Variants in PARPBP observed in about 807,000 individuals in gnomAD.
PARPBP encodes the protein PCNA-interacting partner.
PARPBP carries 52 observed loss-of-function variants against 50.0 expected under a neutral mutation model. That is an observed-to-expected ratio of 1.04 (90% CI 0.83 to 1.31). PARPBP has a LOEUF of 1.31. Ranked by LOEUF, PARPBP falls within the 50% of genes most tolerant of loss-of-function variation. The pLI is 0.00. For missense variants in PARPBP, 697 were observed against 672.0 expected (o/e 1.04, Z -0.41); for synonymous variants, 244 against 232.1 (o/e 1.05, Z -0.47).
intron 4 of PARPBP, chr12:102,155,184 G>C (rs1565877857): frequency 6.3e-6 from 1 of 159,042 alleles, no homozygotes; most frequent in Non-Finnish European, 1.4e-5. Flanking sequence ...TTGGGAGGCT[G>C]AGGCAGGGGA....
chr12:102,137,936 G>A (rs913147869), intron 2 of PARPBP, among the ~76,000 whole-genome samples: 12 of 152,152 alleles, frequency 7.9e-5, no homozygotes, highest in African/African-American at 2.7e-4. Context: ...CCAAGTCTTT[G>A]CTATTGTGAA....
intron 8 of PARPBP, among the ~76,000 whole-genome samples, chr12:102,181,498 A>G (rs1053981166): frequency 5.3e-5 from 8 of 152,214 alleles, no homozygotes; most frequent in African/African-American, 1.9e-4. Context: ...TAAATAGTAT[A>G]AAGAAATAGT....
At chr12:102,120,384 T>C in intron 1 of PARPBP, 98 bp downstream of exon 1, 1 of 449,912 alleles carries the variant, frequency 2.2e-6, no homozygotes. Context: ...ACCTCGGTCG[T>C]AGCAAAGTGC....
chr12:102,157,681 A>C (rs1184082170), intron 4 of PARPBP, among the ~76,000 whole-genome samples: 1 of 152,174 alleles, frequency 6.6e-6, no homozygotes, highest in African/African-American at 2.4e-5. Flanking sequence ...ACAAAGATGT[A>C]GTTTTTCCTT....
At chr12:102,190,691 G>T (rs1249046618) in intron 9 of PARPBP, among the ~76,000 whole-genome samples, 1 of 152,124 alleles carries the variant, frequency 6.6e-6, no homozygotes, top group Non-Finnish European at 1.5e-5. Context: ...ACCCTGTAAG[G>T]AGGGGATGGC....
chr12:102,152,158 GGATGCAGATGAAAGCTTGTT>G (rs1162137862), intron 3 of PARPBP: 1 of 258,572 alleles, frequency 3.9e-6, no homozygotes, highest in East Asian at 1.0e-4. Context: ...GTCTTCTCAG[GGATGCAGATGAAAGCTTGTT>G]GCTAGAGTGG....
chr12:102,149,379 C>T (rs1594516798), intron 3 of PARPBP, among the ~76,000 whole-genome samples: 1 of 152,198 alleles, frequency 6.6e-6, no homozygotes, highest in East Asian at 1.9e-4. Flanking sequence ...TTATCAGAGA[C>T]CTGGACTTTT....
At position 102,196,695 on chromosome 12, in the gene PARPBP, C is replaced by T; in HGVS notation, c.*404C>T. 6.2e-7 allele frequency: 1 copy of T among 1,607,560 alleles called. No homozygotes were observed. Among genetic ancestry groups the T allele is most frequent in the South Asian group, 1.1e-5 (1 of 90,892 alleles). ...TCGGTAGACTCTTCCCAGCATACAT[C>T]TGAGCACTGAAGGAAGAAGAAAGTT... On this transcript the variant is annotated 3_prime_UTR_variant, in exon 11 of 11. Coordinates refer to ENST00000327680, the MANE Select transcript of PARPBP (RefSeq NM_017915.5).
chr12:102,186,521 G>A (rs1040270540), intron 9 of PARPBP, among the ~76,000 whole-genome samples: 24 of 151,908 alleles, frequency 1.6e-4, no homozygotes, highest in Admixed American at 9.8e-4. Flanking sequence ...GTTGTGTTTC[G>A]ATTTTCATTT....
intron 6 of PARPBP, among the ~76,000 whole-genome samples, chr12:102,172,904 C>G (rs563411355): frequency 1.6e-4 from 25 of 152,184 alleles, no homozygotes; most frequent in Non-Finnish European, 3.2e-4. Flanking sequence ...ACATTTCATC[C>G]AGTTCACAGC....
chr12:102,146,909 A>G (rs1315956863), intron 2 of PARPBP, among the ~76,000 whole-genome samples: 3 of 152,228 alleles, frequency 2.0e-5, no homozygotes, highest in Non-Finnish European at 4.4e-5. Context: ...TGGGCAAAGG[A>G]CATGAACAGA....
chr12:102,178,551 G>C, intron 7 of PARPBP, 41 bp from the exon 8 acceptor site: 1 of 1,366,644 alleles, frequency 7.3e-7, no homozygotes, highest in Non-Finnish European at 1.0e-6. Context: ...CACCCAGCTG[G>C]GGTGATTATT....
Position 102,164,551 on chromosome 12 carries a change from A to G in PARPBP, c.609A>G (p.Arg203=). The part of the protein sequence containing the change: ...ILNIPDRGLG[R]EAFTDLKHAA... ...ATATTCCTGATAGAGGACTAGGAAG[A>G]GAAGCCTTCACTGATTTGAAACATG... Residue 203 remains arginine, a synonymous_variant, in exon 5 of 11, where the codon AGA becomes AGG. Coordinates refer to ENST00000327680, the MANE Select transcript of PARPBP (RefSeq NM_017915.5). 6.2e-7 allele frequency: 1 copy of G among 1,613,448 alleles called. No homozygotes were observed. Among genetic ancestry groups the G allele is most frequent in the Non-Finnish European group, 8.5e-7 (1 of 1,179,474 alleles).
intron 9 of PARPBP, among the ~76,000 whole-genome samples, chr12:102,187,356 T>A (rs1454118809): frequency 6.6e-6 from 1 of 152,178 alleles, no homozygotes; most frequent in Non-Finnish European, 1.5e-5. Context: ...TCCTTTTTTT[T>A]CTTTTTTCTT....
chr12:102,133,538 A>T (rs1883174028), intron 2 of PARPBP, among the ~76,000 whole-genome samples: 1 of 151,888 alleles, frequency 6.6e-6, no homozygotes, highest in African/African-American at 2.4e-5. Flanking sequence ...TTGGTTTCCT[A>T]GTATTTTGTT....
At chr12:102,131,825 G>T (rs987065482) in intron 2 of PARPBP, among the ~76,000 whole-genome samples, 2 of 152,196 alleles carry the variant, frequency 1.3e-5, no homozygotes, top group Admixed American at 1.3e-4. Context: ...CAGGTACTGG[G>T]GCCTACTGAA....
intron 8 of PARPBP, among the ~76,000 whole-genome samples, chr12:102,179,431 A>G (rs1008645188): frequency 3.9e-5 from 6 of 152,256 alleles, no homozygotes; most frequent in Non-Finnish European, 8.8e-5. Flanking sequence ...TGGGTAGCTT[A>G]AACAATAGAA....
chr12:102,142,761 A>G (rs1473172085), intron 2 of PARPBP, among the ~76,000 whole-genome samples: 1 of 152,240 alleles, frequency 6.6e-6, no homozygotes, highest in Non-Finnish European at 1.5e-5. Flanking sequence ...GGTCCACTCC[A>G]GACTCTGTTT....
intron 6 of PARPBP, among the ~76,000 whole-genome samples, chr12:102,173,397 A>C (rs894341752): frequency 6.6e-6 from 1 of 152,216 alleles, no homozygotes; most frequent in East Asian, 1.9e-4. Context: ...TCAGTGTAGT[A>C]AGACAAAAAG....
Sources: gnomAD v4.1 joint callset for allele counts (sites outside exome capture counted in the v4.1 genomes callset) on GRCh38, gnomAD v4.1.1 for gene constraint, MANE v1.5 for transcripts, NCBI Gene and HGNC (gene_info 2026-07-23, HGNC 2026-07-21) for gene names.